The following HDAC9 variants were observed in gnomAD, a reference collection of about 807,000 sequenced individuals.
HDAC9 encodes histone deacetylase 9.
Under a neutral mutation model 139.4 loss-of-function variants are expected in HDAC9, and 41 were observed. The ratio of observed to expected loss-of-function variants is 0.29; its 90% CI spans 0.23 to 0.38. The LOEUF (loss-of-function observed/expected upper bound fraction) is 0.38. Ranked by LOEUF, HDAC9 falls within the 10% of genes least tolerant of loss-of-function variation. The pLI is 1.00. For missense variants in HDAC9, 1,147 were observed against 1,297.0 expected, an observed-to-expected ratio of 0.88 and a Z score of 1.78; for synonymous variants, 517 against 476.2, an observed-to-expected ratio of 1.09 and a Z score of -1.12.
At chr7:18,684,585 G>GTGAA (rs1188314854) in intron 12 of HDAC9, among the ~76,000 whole-genome samples, 1 of 152,008 alleles carries the variant, frequency 6.6e-6, no homozygotes, top group Non-Finnish European at 1.5e-5. Flanking sequence ...CCTAATGAGT[G>GTGAA]TGAATGGATA....
chr7:18,489,737 C>T (rs1322990042), intron 1 of HDAC9, among the ~76,000 whole-genome samples: 1 of 151,968 alleles, frequency 6.6e-6, no homozygotes, highest in Non-Finnish European at 1.5e-5. Flanking sequence ...ATAAACTTCC[C>T]TTGATTCTAT....
intron 1 of HDAC9, among the ~76,000 whole-genome samples, chr7:18,419,635 A>C (rs1409416689): frequency 2.6e-5 from 4 of 152,160 alleles, no homozygotes; most frequent in Admixed American, 6.5e-5. Flanking sequence ...TAAAGGGGAG[A>C]ATGATAAATT....
At chr7:18,218,703 C>G (rs1037250532) in intron 2 of HDAC9, among the ~76,000 whole-genome samples, 2 of 152,060 alleles carry the variant, frequency 1.3e-5, no homozygotes, top group Non-Finnish European at 2.9e-5. Context: ...TGCAGCAGAC[C>G]ATAAACATTT....
At chr7:18,227,926 C>T (rs950609252) in intron 2 of HDAC9, among the ~76,000 whole-genome samples, 2 of 152,096 alleles carry the variant, frequency 1.3e-5, no homozygotes, top group African/African-American at 4.8e-5. Flanking sequence ...ACTTTTTATT[C>T]ATTTTCCCCT....
At chr7:18,539,888 G>A (rs1812191212) in intron 2 of HDAC9, among the ~76,000 whole-genome samples, 1 of 151,846 alleles carries the variant, frequency 6.6e-6, no homozygotes. Context: ...ATGCCAATTT[G>A]TTTAAAATAA....
chr7:18,343,213 G>GT (rs912810246), intron 1 of HDAC9, among the ~76,000 whole-genome samples: 4 of 151,338 alleles, frequency 2.6e-5, no homozygotes, highest in Admixed American at 6.6e-5. Context: ...TTACTCATCA[G>GT]TTTTTTTTAG....
chr7:18,454,327 C>T (rs1268284520), intron 1 of HDAC9, among the ~76,000 whole-genome samples: 2 of 151,930 alleles, frequency 1.3e-5, no homozygotes, highest in Non-Finnish European at 2.9e-5. Context: ...TTTATAATAG[C>T]AGTGTTTTAT....
intron 1 of HDAC9, among the ~76,000 whole-genome samples, chr7:18,463,360 A>C (rs1794010279): frequency 6.6e-6 from 1 of 151,956 alleles, no homozygotes; most frequent in South Asian, 2.1e-4. Context: ...CTGTGCCTGC[A>C]GGTGTGTGTG....
At chr7:18,306,847 G>T (rs1798945471) in intron 1 of HDAC9, among the ~76,000 whole-genome samples, 1 of 151,694 alleles carries the variant, frequency 6.6e-6, no homozygotes, top group South Asian at 2.1e-4. Flanking sequence ...TGCTATTTTG[G>T]ATTTGCGAAA....
chr7:18,259,694 G>A (rs1444414191), intron 2 of HDAC9, among the ~76,000 whole-genome samples: 1 of 152,156 alleles, frequency 6.6e-6, no homozygotes, highest in Non-Finnish European at 1.5e-5. Context: ...CAAGTGTTGT[G>A]TGAGGATTCA....
At chr7:18,574,899 C>T (rs570711322) in intron 2 of HDAC9, among the ~76,000 whole-genome samples, 5 of 152,338 alleles carry the variant, frequency 3.3e-5, no homozygotes, top group Non-Finnish European at 5.9e-5. Flanking sequence ...CCCGACTGTG[C>T]GCAGGGATGC....
intron 11 of HDAC9, among the ~76,000 whole-genome samples, chr7:18,660,729 G>A (rs73311499): frequency 0.017 from 2,568 of 152,224 alleles, 68 homozygotes; most frequent in African/African-American, 0.057. Flanking sequence ...ATTTGAGGGA[G>A]TAGAGAGAGC....
chr7:18,139,098 C>G lies in HDAC9; in HGVS notation c.-96-23131C>G, dbSNP rs552090828. Among the ~76,000 whole-genome samples, 3 of 150,496 alleles carry G rather than the reference C, an allele frequency of 2.0e-5. No homozygotes were observed. The South Asian group carries it at 6.3e-4, about 32-fold the overall frequency. ...AAATATTTAATTTTATTGGGTATCA[C>G]CATCATATAATTATAATCTGGACTT... On this transcript the variant is annotated intron_variant, in intron 1 of 12. Transcript: ENST00000417496.
chr7:18,340,659 C>G (rs922931517), intron 1 of HDAC9, among the ~76,000 whole-genome samples: 1 of 151,420 alleles, frequency 6.6e-6, no homozygotes, highest in Non-Finnish European at 1.5e-5. Flanking sequence ...TCCATTTCTC[C>G]CTCCTATTGT....
chr7:18,355,842 C>G (rs759642538), intron 1 of HDAC9, among the ~76,000 whole-genome samples: 127 of 152,172 alleles, frequency 8.3e-4, no homozygotes, highest in Non-Finnish European at 1.5e-3. Flanking sequence ...CTAAACTTCT[C>G]TGTTTTAAAA....
rs1273074868 is a variant in HDAC9 at position 18,753,416 on chromosome 7, G to A, written c.2043+4278G>A. Among the ~76,000 whole-genome samples the A allele has an allele frequency of 2.6e-5, 4 of 152,122 alleles. No homozygotes were observed. In the East Asian group the frequency reaches 7.7e-4, roughly 29 times the overall value. ...AGGAAAATATCCTAGATCTTGTGAT[G>A]AATAACTTGCCCTCTTTGTGTTTTC... is the stretch of plus-strand genomic sequence containing the variant. On this transcript the variant is annotated intron_variant, in intron 14 of 25. Coordinates refer to ENST00000686413, the MANE Select transcript of HDAC9 (RefSeq NM_178425.4).
intron 21 of HDAC9, among the ~76,000 whole-genome samples, chr7:18,865,025 A>G (rs1361590864): frequency 6.6e-6 from 1 of 152,204 alleles, no homozygotes; most frequent in African/African-American, 2.4e-5. Context: ...AGCTTCACTG[A>G]CCAGAGACTC....
intron 14 of HDAC9, among the ~76,000 whole-genome samples, chr7:18,758,555 A>T (rs1789086973): frequency 6.6e-6 from 1 of 152,202 alleles, no homozygotes; most frequent in Non-Finnish European, 1.5e-5. Context: ...GAAAATGGGA[A>T]CTGGTGAAGA....
chr7:18,932,149 T>C (rs1804801274), intron 22 of HDAC9, among the ~76,000 whole-genome samples: 1 of 152,154 alleles, frequency 6.6e-6, no homozygotes, highest in African/African-American at 2.4e-5. Context: ...AAATAAAATC[T>C]ATGAATTATG....
Sources: allele counts gnomAD v4.1 joint callset (sites outside exome capture counted in the v4.1 genomes callset), GRCh38; gene constraint gnomAD v4.1.1; transcripts MANE v1.5; gene names NCBI Gene and HGNC (gene_info 2026-07-23, HGNC 2026-07-21).